The following LY96 variants were observed in gnomAD, a reference collection of about 807,000 sequenced individuals.
LY96 encodes myeloid differentiation protein-2.
In LY96, 18 loss-of-function variants were observed where a neutral mutation model predicts 18.9. The ratio of observed to expected loss-of-function variants is 0.95; its 90% CI spans 0.66 to 1.41. The LOEUF (loss-of-function observed/expected upper bound fraction) is 1.41. Among genes scored for constraint, LY96 ranks in the 40% most tolerant of loss-of-function variants. The pLI is 0.00. For missense variants in LY96, 175 were observed against 182.4 expected (o/e 0.96, Z 0.23); for synonymous variants, 66 against 62.6 (o/e 1.06, Z -0.26).
chr8:74,057,377 A>G, the LY96 span, among the ~76,000 whole-genome samples: 2 of 152,222 alleles, frequency 1.3e-5, no homozygotes, highest in Admixed American at 1.3e-4. Flanking sequence ...GCAAACATAC[A>G]GGGATTACAA....
At chr8:74,072,705 C>T in the LY96 span, among the ~76,000 whole-genome samples, 4 of 149,908 alleles carry the variant, frequency 2.7e-5, no homozygotes, top group African/African-American at 1.0e-4. Context: ...ACCTATGAAA[C>T]ATATAAGCAG....
the LY96 span, among the ~76,000 whole-genome samples, chr8:74,037,201 T>A: frequency 6.6e-6 from 1 of 152,182 alleles, no homozygotes; most frequent in Non-Finnish European, 1.5e-5. Context: ...AGGGATGGAT[T>A]CAAATTCCTT....
the LY96 span, among the ~76,000 whole-genome samples, chr8:74,061,969 G>A: frequency 2.0e-5 from 3 of 152,252 alleles, no homozygotes; most frequent in East Asian, 1.9e-4. Flanking sequence ...CAAAAAAAGC[G>A]CTCCAATCAG....
intron 4 of LY96, among the ~76,000 whole-genome samples, chr8:74,028,506 AC>A (rs889337833): frequency 6.6e-6 from 1 of 152,190 alleles, no homozygotes; most frequent in Non-Finnish European, 1.5e-5. Context: ...TAAATTACAG[AC>A]TTTTTTTGTT....
chr8:74,004,719 A>G, intron 1 of LY96, 77 bp from the exon 2 acceptor site: 1 of 1,297,338 alleles, frequency 7.7e-7, no homozygotes, highest in South Asian at 1.3e-5. Context: ...TTCATCTTAA[A>G]AGGCTGATAT....
chr8:74,047,913 C>T, the LY96 span, among the ~76,000 whole-genome samples: 1 of 151,930 alleles, frequency 6.6e-6, no homozygotes, highest in Admixed American at 6.6e-5. Context: ...TTTAATGAGA[C>T]AGGGTCTCAT....
chr8:74,006,473 C>T (rs912570206), intron 2 of LY96, among the ~76,000 whole-genome samples: 1 of 152,150 alleles, frequency 6.6e-6, no homozygotes, highest in Non-Finnish European at 1.5e-5. Context: ...GCTGGGATTA[C>T]AGGCGCGAGC....
the LY96 span, among the ~76,000 whole-genome samples, chr8:74,094,565 T>C: frequency 6.6e-6 from 1 of 152,234 alleles, no homozygotes; most frequent in Non-Finnish European, 1.5e-5. Context: ...TGAATTACTG[T>C]TATTTTTAGA....
At chr8:74,010,173 T>C in intron 3 of LY96, 44 bp downstream of exon 3, 1 of 1,541,500 alleles carries the variant, frequency 6.5e-7, no homozygotes. Context: ...GAAATAATTC[T>C]TTATGAAAAT....
chr8:74,077,338 GA>G, the LY96 span, among the ~76,000 whole-genome samples: 1 of 152,184 alleles, frequency 6.6e-6, no homozygotes, highest in East Asian at 1.9e-4. Flanking sequence ...TGTCGCTCAG[GA>G]AATTCCAAGG....
intron 2 of LY96, among the ~76,000 whole-genome samples, chr8:74,005,877 C>G (rs1288591896): frequency 6.6e-6 from 1 of 152,218 alleles, no homozygotes; most frequent in African/African-American, 2.4e-5. Context: ...ACATAATTTA[C>G]ATCCTAGTTT....
the LY96 span, among the ~76,000 whole-genome samples, chr8:74,049,221 A>G: frequency 2.0e-5 from 3 of 152,194 alleles, no homozygotes; most frequent in Admixed American, 2.0e-4. Context: ...ATCTTAATAA[A>G]TATTTGTTGA....
intron 3 of LY96, among the ~76,000 whole-genome samples, chr8:74,022,609 C>T (rs190403232): frequency 9.1e-5 from 13 of 142,608 alleles, no homozygotes; most frequent in South Asian, 4.4e-4. Context: ...GACAGGGTCT[C>T]GCCCTGTCGC....
rs1816135382 is a variant in LY96 at position 73,996,372 on chromosome 8, C to CCTTCATTTCTTT, written c.112+4821_112+4822insCATTTCTTTCTT. On this transcript the variant is annotated intron_variant, in intron 1 of 4. Coordinates refer to ENST00000284818, the MANE Select transcript of LY96 (RefSeq NM_015364.5). Reference sequence around the variant, plus strand: ...TCCTTCCTTCCTTCCTTCCTTCATTCCTTTCTTTCTTTCTTTCTTTCTTTC... The same window carrying CCTTCATTTCTTT: ...TCCTTCCTTCCTTCCTTCCTTCATTCCTTCATTTCTTTCTTTCTTTCTTTCTTTCTTTCTTTC... 4.4e-3 allele frequency among the ~76,000 whole-genome samples: 489 copies of CCTTCATTTCTTT among 111,008 alleles called. 16 individuals carry two copies. The highest frequency in any genetic ancestry group is 0.012 in the East Asian group (38 of 3,158). 72.8% of individuals were successfully genotyped at this position (111,008 alleles called of 152,430 possible). A position where few individuals can be genotyped will look rare whatever the true frequency, so the allele number is the denominator to read the frequency against.
At chr8:74,059,120 C>A in the LY96 span, among the ~76,000 whole-genome samples, 4 of 152,198 alleles carry the variant, frequency 2.6e-5, no homozygotes, top group Non-Finnish European at 5.9e-5. Flanking sequence ...CTAACCTCTT[C>A]TGGAAACACC....
At chr8:74,079,809 A>G in the LY96 span, among the ~76,000 whole-genome samples, 4 of 151,958 alleles carry the variant, frequency 2.6e-5, no homozygotes, top group Admixed American at 2.6e-4. Context: ...TTTGGCTTCT[A>G]AAATTGCTGG....
chr8:74,021,956 G>T (rs1292424382), intron 3 of LY96, among the ~76,000 whole-genome samples: 1 of 151,896 alleles, frequency 6.6e-6, no homozygotes, highest in African/African-American at 2.4e-5. Flanking sequence ...AGCATTAGGA[G>T]AAATACCTAA....
At chr8:74,080,870 C>T in the LY96 span, among the ~76,000 whole-genome samples, 83 of 152,298 alleles carry the variant, frequency 5.4e-4, no homozygotes, top group Admixed American at 5.0e-3. Context: ...CCCTGCCTGG[C>T]GATGGCTGAC....
intron 4 of LY96, among the ~76,000 whole-genome samples, chr8:74,028,068 G>A (rs1252249191): frequency 6.6e-6 from 1 of 152,150 alleles, no homozygotes; most frequent in Non-Finnish European, 1.5e-5. Context: ...CTTAAAGGAA[G>A]GGCCTGGGCA....
Sources: gnomAD v4.1 joint callset for allele counts (sites outside exome capture counted in the v4.1 genomes callset) on GRCh38, gnomAD v4.1.1 for gene constraint, MANE v1.5 for transcripts, NCBI Gene and HGNC (gene_info 2026-07-23, HGNC 2026-07-21) for gene names.